GMDS: variants seen among roughly 807,000 people sequenced by gnomAD.
GMDS encodes the protein GDP-mannose 4,6 dehydratase.
Under a neutral mutation model 49.9 loss-of-function variants are expected in GMDS, and 20 were observed. The ratio of observed to expected loss-of-function variants is 0.40; its 90% CI spans 0.28 to 0.58. The LOEUF (loss-of-function observed/expected upper bound fraction) is 0.58, where lower values mean the gene tolerates loss of function less well. GMDS is among the 20% of genes least tolerant of loss of function. The probability of loss-of-function intolerance (pLI) is 0.42; values close to 1 mark genes in which losing one functional copy is unlikely to be tolerated. For synonymous variants in GMDS, 177 were observed against 178.6 expected, an observed-to-expected ratio of 0.99 and a Z score of 0.07; for missense variants, 362 against 481.4, an observed-to-expected ratio of 0.75 and a Z score of 2.32.
intron 7 of GMDS, among the ~76,000 whole-genome samples, chr6:1,763,426 C>G (rs1297902742): frequency 2.6e-5 from 4 of 152,188 alleles, no homozygotes; most frequent in African/African-American, 9.6e-5. Context: ...CAGCGTCTCC[C>G]CAAGAGTAAA....
At chr6:1,814,728 T>C (rs1277940598) in intron 7 of GMDS, among the ~76,000 whole-genome samples, 2 of 152,212 alleles carry the variant, frequency 1.3e-5, no homozygotes, top group Non-Finnish European at 2.9e-5. Flanking sequence ...TTAGATGCCA[T>C]ATGTGTACGT....
At chr6:1,658,845 C>T (rs1395737611) in intron 9 of GMDS, among the ~76,000 whole-genome samples, 2 of 152,230 alleles carry the variant, frequency 1.3e-5, no homozygotes, top group Non-Finnish European at 2.9e-5. Flanking sequence ...CAGTTACAAA[C>T]ATCCAGGGAG....
intron 4 of GMDS, among the ~76,000 whole-genome samples, chr6:2,028,122 T>C (rs1322369569): frequency 1.3e-5 from 2 of 152,232 alleles, no homozygotes; most frequent in African/African-American, 4.8e-5. Context: ...TAGATCTCCA[T>C]TTTAGCTTCT....
At chr6:1,756,017 A>G (rs1477639473) in intron 7 of GMDS, among the ~76,000 whole-genome samples, 1 of 152,242 alleles carries the variant, frequency 6.6e-6, no homozygotes, top group African/African-American at 2.4e-5. Flanking sequence ...TCCATCTGAC[A>G]AAGGGCTAAT....
At chr6:1,917,315 G>C (rs72841977) in intron 7 of GMDS, among the ~76,000 whole-genome samples, 1,876 of 152,302 alleles carry the variant, frequency 0.012, 23 homozygotes, top group Non-Finnish European at 0.016. Context: ...CTGAGGAGTT[G>C]GCAGAGCAGG....
intron 4 of GMDS, among the ~76,000 whole-genome samples, chr6:2,086,766 C>T (rs1773039408): frequency 6.6e-6 from 1 of 152,214 alleles, no homozygotes; most frequent in African/African-American, 2.4e-5. Flanking sequence ...TATGCCTTTC[C>T]AGGCCCTTTA....
rs74735273 is a variant in GMDS, at chr6:2,214,871, A to C, written c.102+30450T>G. 7.2e-4 allele frequency among the ~76,000 whole-genome samples: 109 copies of C among 152,318 alleles called. No individual in the cohort carries two copies. The East Asian group carries it at 0.01, about 14-fold the overall frequency. On this transcript the variant is annotated intron_variant, in intron 1 of 10. Coordinates refer to ENST00000380815, the MANE Select transcript of GMDS (RefSeq NM_001500.4). ...TCACTGAAGAAAAAACTACAGAATTAGATTATCACAACTTTGCAACTTCTA... is the reference window on the plus strand; with the variant it reads ...TCACTGAAGAAAAAACTACAGAATTCGATTATCACAACTTTGCAACTTCTA...
chr6:2,190,787 A>C (rs1472541538), intron 1 of GMDS, among the ~76,000 whole-genome samples: 1 of 152,180 alleles, frequency 6.6e-6, no homozygotes. Context: ...TGTCCACGGC[A>C]GGGGAGGCGT....
At chr6:2,220,937 G>T (rs1780556451) in intron 1 of GMDS, among the ~76,000 whole-genome samples, 1 of 152,164 alleles carries the variant, frequency 6.6e-6, no homozygotes, top group Non-Finnish European at 1.5e-5. Flanking sequence ...AGCATTTGGG[G>T]AGGCCAACGT....
At chr6:1,879,032 G>A (rs1384446907) in intron 7 of GMDS, among the ~76,000 whole-genome samples, 1 of 152,096 alleles carries the variant, frequency 6.6e-6, no homozygotes, top group East Asian at 1.9e-4. Flanking sequence ...CATCCCCAGA[G>A]TGAAAAAACA....
At chr6:1,946,388 T>C (rs1014104949) in intron 6 of GMDS, among the ~76,000 whole-genome samples, 3 of 152,186 alleles carry the variant, frequency 2.0e-5, no homozygotes, top group African/African-American at 7.2e-5. Context: ...CCTGTCACCT[T>C]ACCTGTAAAA....
chr6:1,827,443 A>G (rs1450167266), intron 7 of GMDS, among the ~76,000 whole-genome samples: 4 of 39,600 alleles, frequency 1.0e-4, no homozygotes, highest in Non-Finnish European at 1.8e-4. Context: ...GAAAACCTGT[A>G]TATACACACG....
At chr6:1,944,159 T>C (rs528244587) in intron 6 of GMDS, among the ~76,000 whole-genome samples, 2 of 152,268 alleles carry the variant, frequency 1.3e-5, no homozygotes, top group African/African-American at 4.8e-5. Flanking sequence ...TTAGCTCCCA[T>C]CTCGACTCGG....
chr6:1,980,541 G>A (rs185088408), intron 4 of GMDS, among the ~76,000 whole-genome samples: 1 of 152,098 alleles, frequency 6.6e-6, no homozygotes, highest in Non-Finnish European at 1.5e-5. Context: ...GCACTGCCAA[G>A]TTCATAAAGC....
At chr6:2,209,442 A>G (rs920801689) in intron 1 of GMDS, among the ~76,000 whole-genome samples, 2 of 152,210 alleles carry the variant, frequency 1.3e-5, no homozygotes, top group African/African-American at 4.8e-5. Context: ...GTAGTCCCGC[A>G]CAATAGGCAG....
chr6:2,014,311 G>A (rs1026762609), intron 4 of GMDS, among the ~76,000 whole-genome samples: 4 of 151,698 alleles, frequency 2.6e-5, no homozygotes, highest in Admixed American at 6.6e-5. Context: ...AAATGAAATC[G>A]TTTTTATTCT....
intron 9 of GMDS, among the ~76,000 whole-genome samples, chr6:1,697,652 T>C (rs1033868868): frequency 7.2e-5 from 11 of 152,200 alleles, no homozygotes; most frequent in Admixed American, 7.2e-4. Context: ...TGGGGCACCA[T>C]GCACACCTCA....
intron 6 of GMDS, among the ~76,000 whole-genome samples, chr6:1,948,236 A>G (rs1188722675): frequency 6.6e-6 from 1 of 152,216 alleles, no homozygotes; most frequent in African/African-American, 2.4e-5. Context: ...CCACTTAAAA[A>G]GGGGAACAAT....
At chr6:2,152,440 G>A (rs969267587) in intron 1 of GMDS, among the ~76,000 whole-genome samples, 11 of 152,018 alleles carry the variant, frequency 7.2e-5, no homozygotes, top group African/African-American at 2.7e-4. Context: ...TTCAAAATCA[G>A]GAGTTTCCAA....
Sources: allele counts gnomAD v4.1 joint callset (sites outside exome capture counted in the v4.1 genomes callset), GRCh38; gene constraint gnomAD v4.1.1; transcripts MANE v1.5; gene names NCBI Gene and HGNC (gene_info 2026-07-23, HGNC 2026-07-21).